GNAS: variants seen among roughly 807,000 people sequenced by gnomAD.
GNAS encodes GNAS complex locus, also known as protein ALEX.
In GNAS, 8 loss-of-function variants were observed where a neutral mutation model predicts 54.5. The ratio of observed to expected loss-of-function variants is 0.15; its 90% confidence interval spans 0.09 to 0.26. The LOEUF is 0.26. Ranked by LOEUF, GNAS falls within the 10% of genes least tolerant of loss-of-function variation. The pLI is 1.00. For missense variants in GNAS, 170 were observed against 529.8 expected, an observed-to-expected ratio of 0.32 and a Z score of 6.67; for synonymous variants, 204 against 191.4, an observed-to-expected ratio of 1.07 and a Z score of -0.54.
chr20:58,908,322 T>G (rs561303058), intron 6 of GNAS, among the ~76,000 whole-genome samples: 11 of 152,212 alleles, frequency 7.2e-5, no homozygotes, highest in Non-Finnish European at 1.3e-4. Context: ...ACAAACAAGA[T>G]GCTTTTTTTA....
In GNAS at chr20:58,891,644, C is replaced by T. The variant is rs1477546555; in HGVS notation, c.-83C>T. On this transcript the variant is annotated 5_prime_UTR_variant, in exon 1 of 13. Coordinates refer to ENST00000371085, the MANE Select transcript of GNAS (RefSeq NM_000516.7). Reference sequence around the variant, plus strand: ...CGCCCGGCCCGCCCGCCCGGCGCTGCCCCGGCCCTCCCGGCCCGCGTGAGG... The same window carrying T: ...CGCCCGGCCCGCCCGCCCGGCGCTGTCCCGGCCCTCCCGGCCCGCGTGAGG... 3.1e-6 allele frequency: 3 copies of T among 970,440 alleles called. No individual in the cohort carries two copies. The highest frequency in any genetic ancestry group is 4.7e-5 in the South Asian group (1 of 21,250). The allele number at this position is 970,440 out of a possible 1,614,324, so 60.1% of individuals were successfully genotyped here. A position where few individuals can be genotyped will look rare whatever the true frequency, so the allele number is the denominator to read the frequency against.
In GNAS at chr20:58,898,942, G is replaced by A. The variant is rs151260175; in HGVS notation, c.214G>A (p.Gly72Ser). 1.9e-6 allele frequency: 3 copies of A among 1,613,574 alleles called. No individual in the cohort carries two copies. Among genetic ancestry groups the A allele is most frequent in the Admixed American group, 1.7e-5 (1 of 60,000 alleles). Residue 72 changes from glycine (G) to serine (S), a missense_variant and splice_region_variant, in exon 3 of 13, where the codon GGC (glycine) becomes AGC (serine). Transcript: ENST00000371085. ...GAGCTTTCAATCTCTCTTTAAAAGG[G>A]GCGGCGAAGAGGACCCGCAGGCTGC... ...ILHVNGFNGE[G>S]GEEDPQAARS... is the part of the protein sequence containing the mutation.
intron 1 of GNAS, among the ~76,000 whole-genome samples, chr20:58,865,851 A>G (rs1200507453): frequency 6.6e-6 from 1 of 152,210 alleles, no homozygotes; most frequent in Non-Finnish European, 1.5e-5. Context: ...GACTTTGATT[A>G]ACCAAGTCAG....
intron 1 of GNAS, among the ~76,000 whole-genome samples, chr20:58,864,347 G>T (rs1449359676): frequency 6.6e-6 from 1 of 151,904 alleles, no homozygotes; most frequent in Non-Finnish European, 1.5e-5. Context: ...TTTTTGGGGG[G>T]GCCTTCATGG....
chr20:58,878,647 C>A (rs954939944), intron 1 of GNAS, among the ~76,000 whole-genome samples: 1 of 152,090 alleles, frequency 6.6e-6, no homozygotes, highest in African/African-American at 2.4e-5. Flanking sequence ...TATCTCCATG[C>A]GTGGTGATTC....
At chr20:58,881,494 A>G (rs1326176578) in intron 1 of GNAS, among the ~76,000 whole-genome samples, 1 of 152,138 alleles carries the variant, frequency 6.6e-6, no homozygotes, top group Admixed American at 6.5e-5. Context: ...TTCCCTCTCC[A>G]GACCAGGGCA....
intron 1 of GNAS, among the ~76,000 whole-genome samples, chr20:58,849,811 G>A (rs2145530005): frequency 6.6e-6 from 1 of 152,248 alleles, no homozygotes; most frequent in East Asian, 1.9e-4. Context: ...CATCTCCTTT[G>A]TGCATAACCC....
At chr20:58,887,968 G>A (rs1029120504), upstream of GNAS, among the ~76,000 whole-genome samples, 1 of 152,210 alleles carries the variant, frequency 6.6e-6, no homozygotes, top group African/African-American at 2.4e-5. Context: ...CAGTCATCCG[G>A]TTGAATGGCT....
rs1328036860 is a variant in GNAS, at chr20:58,853,396, G to A, written c.43+12510G>A. Reference sequence around the variant, plus strand: ...GCAGCTGCCCCCGGTGCTGGGCCTAGCCCAGCCGAAGAGATGGAGACCGAA... The same window carrying A: ...GCAGCTGCCCCCGGTGCTGGGCCTAACCCAGCCGAAGAGATGGAGACCGAA... On this transcript the variant is annotated intron_variant, in intron 1 of 12. Transcript: ENST00000306090. This position sits in a 1 kb window ranked among gnomAD's most constrained non-coding sequence, Gnocchi z 4.4. 2 of 1,567,980 alleles carry A rather than the reference G, an allele frequency of 1.3e-6. No homozygotes were observed. The highest frequency in any genetic ancestry group is 1.2e-5 in the South Asian group (1 of 85,932).
At chr20:58,875,509 CA>C (rs746263106) in intron 1 of GNAS, among the ~76,000 whole-genome samples, 2 of 152,224 alleles carry the variant, frequency 1.3e-5, no homozygotes, top group Non-Finnish European at 2.9e-5. Context: ...ACCCCCTCCC[CA>C]CTTCTAGTTC....
At position 58,910,605 on chromosome 20, in the gene GNAS, C is replaced by T. The variant is rs1601171489; in HGVS notation, c.1039-78C>T. 8 of 1,548,014 alleles carry T rather than the reference C, an allele frequency of 5.2e-6. No individual in the cohort carries two copies. The East Asian group carries it at 1.6e-4, about 30-fold the overall frequency. On this transcript the variant is annotated intron_variant, in intron 12 of 12. Coordinates refer to ENST00000371085, the MANE Select transcript of GNAS (RefSeq NM_000516.7). The surrounding 1 kb of genome is among the most constrained non-coding windows in gnomAD (Gnocchi z 5.8). ...ATCAGAGGCTGGCTGACAGCCGTCC[C>T]TGGTAGGTGTCCCCATCAGGGATAG...
intron 3 of GNAS, chr20:58,899,973 TAC>T (rs1156431733): frequency 8.4e-6 from 6 of 717,552 alleles, no homozygotes; most frequent in South Asian, 4.4e-5. Flanking sequence ...AGATGATGGC[TAC>T]AGTTTCTCAT....
rs1245547439 is a variant in GNAS, at chr20:58,855,388, G to T, written c.43+14502G>T. On this transcript the variant is annotated intron_variant, in intron 1 of 12. Transcript: ENST00000306090. ...CAGGGCCGCCGGGGAACCGGGGAGG[G>T]GGTGGCAGGGCTGCCTGGTGGGGCT... is the stretch of plus-strand genomic sequence containing the variant. 13 of 1,502,076 alleles carry T rather than the reference G, an allele frequency of 8.7e-6. No individual in the cohort carries two copies. In the African/African-American group the frequency reaches 9.7e-5, roughly 11 times the overall value. 93.0% of individuals were successfully genotyped at this position (1,502,076 alleles called of 1,614,324 possible).
chr20:58,889,329 G>C (rs1311034655), upstream of GNAS: 7 of 988,976 alleles, frequency 7.1e-6, no homozygotes, highest in Non-Finnish European at 6.0e-6. Context: ...GCGCTGCCTT[G>C]CGTGTGAGTG....
chr20:58,891,900 G>A, intron 1 of GNAS, 35 bp downstream of exon 1: 1 of 1,049,722 alleles, frequency 9.5e-7, no homozygotes, highest in Non-Finnish European at 1.2e-6. Context: ...CCCCGGCCCG[G>A]GGGCCCTCGA....
chr20:58,853,996 G>A lies in GNAS; in HGVS notation c.43+13110G>A, dbSNP rs752163805. ...GACAGCCCACCCCCGGGGCTTTCCC[G>A]AGTTATCGCACAAGTCGACGGCAGC... On this transcript the variant is annotated intron_variant, in intron 1 of 12. Transcript: ENST00000306090. The surrounding 1 kb of genome is among the most constrained non-coding windows in gnomAD (Gnocchi z 4.4). 7 of 1,611,880 alleles carry A rather than the reference G, an allele frequency of 4.3e-6. No individual in the cohort carries two copies. Among genetic ancestry groups the A allele is most frequent in the African/African-American group, 4.0e-5 (3 of 74,944 alleles).
chr20:58,846,494 T>C (rs1288722353), intron 1 of GNAS, among the ~76,000 whole-genome samples: 1 of 152,216 alleles, frequency 6.6e-6, no homozygotes, highest in Non-Finnish European at 1.5e-5. Flanking sequence ...TTCATACAAG[T>C]ACTTCAATTG....
At chr20:58,875,263 T>G (rs2087731975) in intron 1 of GNAS, among the ~76,000 whole-genome samples, 1 of 152,202 alleles carries the variant, frequency 6.6e-6, no homozygotes, top group South Asian at 2.1e-4. Flanking sequence ...ATGGCACATC[T>G]GAAAAGTGAT....
At chr20:58,877,565 G>A (rs2087908724) in intron 1 of GNAS, among the ~76,000 whole-genome samples, 1 of 152,330 alleles carries the variant, frequency 6.6e-6, no homozygotes, top group Non-Finnish European at 1.5e-5. Flanking sequence ...CAGGTGTGAG[G>A]TTGAAATGGA....
Sources: gnomAD v4.1 joint callset for allele counts (sites outside exome capture counted in the v4.1 genomes callset) on GRCh38, gnomAD v4.1.1 for gene constraint, Gnocchi (gnomAD v3.1) non-coding constraint, MANE v1.5 for transcripts, NCBI Gene and HGNC (gene_info 2026-07-23, HGNC 2026-07-21) for gene names.